The following EML6 variants were observed in gnomAD, a reference collection of about 807,000 sequenced individuals.
The protein encoded by EML6 is echinoderm microtubule-associated protein-like 6.
A neutral mutation model predicts 240.1 loss-of-function variants in EML6; 154 were observed. The ratio of observed to expected loss-of-function variants is 0.64; its 90% CI spans 0.56 to 0.73. EML6 has a LOEUF of 0.73. EML6 is among the 30% of genes least tolerant of loss of function. The pLI, the probability that EML6 is intolerant of heterozygous loss-of-function variation, is 0.00. For missense variants in EML6, 2,964 were observed against 2,474.6 expected (o/e 1.20, Z -4.20); for synonymous variants, 1,148 against 899.0 (o/e 1.28, Z -4.95).
At chr2:54,945,844 C>T (rs1675671380) in intron 28 of EML6, among the ~76,000 whole-genome samples, 1 of 152,358 alleles carries the variant, frequency 6.6e-6, no homozygotes. Context: ...GCTTTCTCTT[C>T]AGCAGCCCAG....
At chr2:54,870,071 A>C (rs562177487) in intron 15 of EML6, among the ~76,000 whole-genome samples, 1 of 152,296 alleles carries the variant, frequency 6.6e-6, no homozygotes, top group East Asian at 1.9e-4. Flanking sequence ...TTTTATAATG[A>C]GTGTTTAATT....
chr2:54,935,746 C>T (rs544336604), intron 28 of EML6, among the ~76,000 whole-genome samples: 1 of 152,310 alleles, frequency 6.6e-6, no homozygotes, highest in Non-Finnish European at 1.5e-5. Flanking sequence ...CGTAGTAGCT[C>T]ACACCTGTAA....
intron 2 of EML6, among the ~76,000 whole-genome samples, chr2:54,756,654 G>A (rs1046027975): frequency 9.2e-5 from 14 of 151,732 alleles, no homozygotes; most frequent in African/African-American, 3.1e-4. Flanking sequence ...TCTACAAAAA[G>A]CCTTTTTTTT....
intron 28 of EML6, among the ~76,000 whole-genome samples, chr2:54,939,393 T>C (rs1366674287): frequency 6.6e-6 from 1 of 152,208 alleles, no homozygotes; most frequent in East Asian, 1.9e-4. Context: ...AGTGGATGTT[T>C]AGGAGGGGTC....
intron 38 of EML6, among the ~76,000 whole-genome samples, chr2:54,965,352 C>T (rs1051605092): frequency 6.6e-6 from 1 of 152,166 alleles, no homozygotes; most frequent in Non-Finnish European, 1.5e-5. Flanking sequence ...TTTGCTGAAC[C>T]GGGCACTATG....
chr2:54,813,196 G>A, intron 2 of EML6, 36 bp from the exon 3 acceptor site: 2 of 1,483,674 alleles, frequency 1.3e-6, no homozygotes, highest in Non-Finnish European at 1.8e-6. Context: ...GTTTTCTTCA[G>A]TTGGAAGATG....
intron 11 of EML6, among the ~76,000 whole-genome samples, chr2:54,854,067 T>C (rs746488330): frequency 6.6e-6 from 1 of 152,232 alleles, no homozygotes; most frequent in Non-Finnish European, 1.5e-5. Context: ...TAAGAAAGAA[T>C]TTGCTAATAG....
chr2:54,832,387 G>A (rs775944254), intron 7 of EML6, among the ~76,000 whole-genome samples: 34 of 152,158 alleles, frequency 2.2e-4, no homozygotes, highest in Admixed American at 2.2e-3. Flanking sequence ...CCATAGCTCC[G>A]AACAGGGAGA....
At chr2:54,727,951 C>T (rs889691079) in intron 2 of EML6, among the ~76,000 whole-genome samples, 10 of 152,168 alleles carry the variant, frequency 6.6e-5, no homozygotes, top group African/African-American at 2.4e-4. Context: ...CATTAGGGCT[C>T]AGCATATGTG....
intron 2 of EML6, among the ~76,000 whole-genome samples, chr2:54,759,510 A>T (rs1412937798): frequency 6.6e-6 from 1 of 152,182 alleles, no homozygotes; most frequent in African/African-American, 2.4e-5. Flanking sequence ...GACTAAACGC[A>T]TAGTAACTTT....
intron 12 of EML6, among the ~76,000 whole-genome samples, chr2:54,861,432 A>G (rs1026217402): frequency 1.3e-5 from 2 of 152,200 alleles, no homozygotes; most frequent in Admixed American, 6.5e-5. Flanking sequence ...AAATGTGAGT[A>G]CAGGCATTTG....
At chr2:54,891,335 G>A (rs961736515) in intron 18 of EML6, among the ~76,000 whole-genome samples, 181 bp downstream of exon 18, 3 of 152,170 alleles carry the variant, frequency 2.0e-5, no homozygotes, top group East Asian at 1.9e-4. Context: ...TCTATATGAC[G>A]CTATGCATAT....
intron 30 of EML6, 90 bp from the exon 31 acceptor site, chr2:54,952,504 A>C (rs1285842737): frequency 1.4e-6 from 1 of 714,124 alleles, no homozygotes; most frequent in Admixed American, 2.7e-5. Flanking sequence ...TTTTATAAGA[A>C]GTATCCAATG....
intron 2 of EML6, among the ~76,000 whole-genome samples, chr2:54,729,681 T>G (rs1683070009): frequency 6.6e-6 from 1 of 152,208 alleles, no homozygotes; most frequent in Admixed American, 6.5e-5. Flanking sequence ...TATGGCCTCT[T>G]ATATTGTGGT....
intron 28 of EML6, among the ~76,000 whole-genome samples, chr2:54,941,229 A>T (rs1280531757): frequency 5.3e-5 from 8 of 152,050 alleles, no homozygotes; most frequent in Admixed American, 5.2e-4. Context: ...CATATCTTTC[A>T]CCTCGAACAT....
Position 54,964,024 on chromosome 2 carries a change from G to C in EML6, c.5196G>C (p.Arg1732Ser). 1 of 1,551,708 alleles carries C rather than the reference G, an allele frequency of 6.4e-7. No homozygotes were observed. Among genetic ancestry groups the C allele is most frequent in the African/African-American group, 1.4e-5 (1 of 73,192 alleles). The change falls in exon 37 of 42, where the codon AGG becomes AGC. Residue 1732 changes from arginine (R) to serine (S), a missense_variant. By Grantham distance (110) the Arg-to-Ser change is moderately radical. Transcript: ENST00000356458. ...LNKVSLGHAA[R>S]CAAYSPDGEM... ...AGGTGAGCTTGGGCCATGCGGCCAG[G>C]TGTGCAGCCTACAGCCCTGATGGGG...
At chr2:54,776,601 T>G (rs562520532) in intron 2 of EML6, among the ~76,000 whole-genome samples, 1 of 152,314 alleles carries the variant, frequency 6.6e-6, no homozygotes, top group African/African-American at 2.4e-5. Context: ...GTTTCATTTA[T>G]GATCCCTTTG....
chr2:54,850,301 T>A, intron 10 of EML6, 83 bp downstream of exon 10: 1 of 1,276,990 alleles, frequency 7.8e-7, no homozygotes, highest in Non-Finnish European at 1.1e-6. Flanking sequence ...GTGTCATGGC[T>A]CTTTTAGAAT....
Position 54,724,822 on chromosome 2 carries a change from G to A in EML6, c.-240G>A, listed in dbSNP as rs1682829078. 5.9e-6 allele frequency: 1 copy of A among 168,612 alleles called. No individual in the cohort carries two copies. 10.4% of individuals were successfully genotyped at this position (168,612 alleles called of 1,614,324 possible). On this transcript the variant is annotated 5_prime_UTR_variant, in exon 2 of 42. Transcript: ENST00000356458. The surrounding 1 kb of genome is among the most constrained non-coding windows in gnomAD (Gnocchi z 5.2). ...GGCGCCCCCAGAGCCGCCTTGCCCG[G>A]GTAGAGGGAGCCCGGCGCCCGGCGG...
Sources: allele counts gnomAD v4.1 joint callset (sites outside exome capture counted in the v4.1 genomes callset), GRCh38; gene constraint gnomAD v4.1.1; non-coding constraint Gnocchi (gnomAD v3.1); transcripts MANE v1.5; gene names NCBI Gene and HGNC (gene_info 2026-07-23, HGNC 2026-07-21).